Variants in SDC3 observed in about 807,000 individuals in gnomAD.
SDC3 encodes syndecan-3.
A neutral mutation model predicts 24.4 loss-of-function variants in SDC3; 13 were observed. That is an observed-to-expected ratio of 0.53 (90% confidence interval 0.35 to 0.85). SDC3 has a LOEUF of 0.85. Ranked by LOEUF, SDC3 falls within the 40% of genes least tolerant of loss-of-function variation. The pLI is 0.01. For synonymous variants in SDC3, 295 were observed against 260.9 expected (o/e 1.13, Z -1.26); for missense variants, 571 against 584.5 (o/e 0.98, Z 0.24).
intron 3 of SDC3, among the ~76,000 whole-genome samples, chr1:30,875,962 G>A (rs1014953571): frequency 2.0e-5 from 3 of 152,140 alleles, no homozygotes; most frequent in Admixed American, 6.5e-5. Flanking sequence ...TCCACAAGGC[G>A]AGTGATGCCT....
chr1:30,874,292 C>A lies in SDC3; in HGVS notation c.1162+5G>T. 1 of 1,600,964 alleles carries A rather than the reference C, an allele frequency of 6.2e-7. No homozygotes were observed. Among genetic ancestry groups the A allele is most frequent in the Non-Finnish European group, 8.5e-7 (1 of 1,173,560 alleles). On this transcript the variant is annotated splice_donor_5th_base_variant and intron_variant, in intron 4 of 4. Coordinates refer to ENST00000339394, the MANE Select transcript of SDC3 (RefSeq NM_014654.4). ...GCTCCCCTTGGCCCAGACCCCAAGC[C>A]TCACCTACGAGCACCTCCTTCCGCT... is the stretch of plus-strand genomic sequence containing the variant.
chr1:30,883,852 C>T (rs1336106581), intron 1 of SDC3, among the ~76,000 whole-genome samples: 8 of 152,184 alleles, frequency 5.3e-5, no homozygotes, highest in Non-Finnish European at 1.0e-4. Flanking sequence ...ACTACTAGCT[C>T]CTCGAGGCAG....
chr1:30,874,838 C>T (rs911943633), intron 3 of SDC3, among the ~76,000 whole-genome samples: 2 of 152,338 alleles, frequency 1.3e-5, no homozygotes, highest in Admixed American at 6.5e-5. Flanking sequence ...TCAGATCTAT[C>T]TGTCTCCACA....
chr1:30,892,738 A>C (rs1639925165), intron 1 of SDC3, among the ~76,000 whole-genome samples: 1 of 152,144 alleles, frequency 6.6e-6, no homozygotes, highest in Admixed American at 6.5e-5. Flanking sequence ...TGCGCCAAGT[A>C]AGCCCTAGCT....
Position 30,908,607 on chromosome 1 carries a change from C to CGGCGGGCGGCG in SDC3, c.-32_-22dup, listed in dbSNP as rs1557529844. The CGGCGGGCGGCG allele has an allele frequency of 3.3e-6, 3 of 915,598 alleles. No individual in the cohort carries two copies. Among genetic ancestry groups the CGGCGGGCGGCG allele is most frequent in the Non-Finnish European group, 3.9e-6 (3 of 772,920 alleles). 56.7% of individuals were successfully genotyped at this position (915,598 alleles called of 1,614,324 possible). A position where few individuals can be genotyped will look rare whatever the true frequency, so the allele number is the denominator to read the frequency against. ...TTCATGGCGGCGGCGCGGGCGCGGG[C>CGGCGGGCGGCG]GGCGGGCGGCGGGCGGGCGCCTTTG... On this transcript the variant is annotated 5_prime_UTR_variant, in exon 1 of 5. Transcript: ENST00000339394.
intron 1 of SDC3, among the ~76,000 whole-genome samples, chr1:30,887,106 T>C (rs1639840093): frequency 6.6e-6 from 1 of 151,942 alleles, no homozygotes; most frequent in East Asian, 1.9e-4. Context: ...AGAGACAGCC[T>C]GAAAGCCTGG....
At chr1:30,894,496 G>A (rs1570020365) in intron 1 of SDC3, among the ~76,000 whole-genome samples, 1 of 105,882 alleles carries the variant, frequency 9.4e-6, no homozygotes, top group South Asian at 3.8e-4. Flanking sequence ...TGAATGTGGG[G>A]GGTGAGTATG....
chr1:30,909,077 G>C (rs1638599507), upstream of SDC3, among the ~76,000 whole-genome samples: 1 of 152,068 alleles, frequency 6.6e-6, no homozygotes, highest in African/African-American at 2.4e-5. Flanking sequence ...CAGGGCCCGG[G>C]CCTGGCTCCC....
At chr1:30,898,378 C>A (rs571814138) in intron 1 of SDC3, among the ~76,000 whole-genome samples, 1 of 152,264 alleles carries the variant, frequency 6.6e-6, no homozygotes, top group Admixed American at 6.5e-5. Context: ...CCTCTCATTA[C>A]CCCACAGAAT....
intron 3 of SDC3, among the ~76,000 whole-genome samples, chr1:30,876,239 T>G (rs1265196441): frequency 6.6e-6 from 1 of 152,174 alleles, no homozygotes; most frequent in Non-Finnish European, 1.5e-5. Context: ...CTAATCCAGC[T>G]GCCAGACCAC....
Position 30,873,355 on chromosome 1 carries a change from C to A in SDC3, c.1185G>T (p.Val395=). 1 of 1,613,760 alleles carries A rather than the reference C, an allele frequency of 6.2e-7. No homozygotes were observed. The highest frequency in any genetic ancestry group is 8.5e-7 in the Non-Finnish European group (1 of 1,179,740). ...VLVAVIVGGV[V]GALFAAFLVT... is the part of the protein sequence containing the mutation. ...CCAAGAAGGCAGCAAAGAGGGCGCC[C>A]ACCACCCCGCCCACAATCACAGCTG... is the stretch of plus-strand genomic sequence containing the variant. Residue 395 remains valine (V), a synonymous_variant, in exon 5 of 5, where the codon GTG becomes GTT. Coordinates refer to ENST00000339394, the MANE Select transcript of SDC3 (RefSeq NM_014654.4).
intron 1 of SDC3, among the ~76,000 whole-genome samples, chr1:30,907,433 C>T (rs1638544585): frequency 6.6e-6 from 1 of 152,152 alleles, no homozygotes; most frequent in African/African-American, 2.4e-5. Flanking sequence ...GCTTGGTTCC[C>T]CTCAGGGGTC....
At chr1:30,900,854 G>A (rs962138075) in intron 1 of SDC3, among the ~76,000 whole-genome samples, 3 of 152,020 alleles carry the variant, frequency 2.0e-5, no homozygotes, top group Admixed American at 1.3e-4. Flanking sequence ...GGCAGTGCAG[G>A]GGGTACAGGA....
chr1:30,876,643 G>A lies in SDC3; in HGVS notation c.779C>T (p.Pro260Leu), dbSNP rs1469493043. 1.3e-6 allele frequency: 2 copies of A among 1,588,928 alleles called. No homozygotes were observed. Among genetic ancestry groups the A allele is most frequent in the East Asian group, 2.2e-5 (1 of 44,646 alleles). The change falls in exon 3 of 5, where the codon CCC becomes CTC. Residue 260 changes from proline to leucine, a missense_variant. Coordinates refer to ENST00000339394, the MANE Select transcript of SDC3 (RefSeq NM_014654.4). Reference protein sequence around the residue: ...STATSRPRALPRPATTQEPDI... With the variant: ...STATSRPRALLRPATTQEPDI... ...AGGCTCCTGGGTGGTGGCCGGCCTG[G>A]GAAGGGCTCTTGGCCGGGAGGTAGC...
intron 1 of SDC3, among the ~76,000 whole-genome samples, chr1:30,881,004 C>T (rs547183277): frequency 6.7e-6 from 1 of 149,432 alleles, no homozygotes; most frequent in African/African-American, 2.5e-5. Flanking sequence ...GCTTCCATAC[C>T]CCCAAGACAC....
chr1:30,894,768 CACACATCCAA>C (rs1639976925), intron 1 of SDC3, among the ~76,000 whole-genome samples: 1 of 151,638 alleles, frequency 6.6e-6, no homozygotes, highest in African/African-American at 2.4e-5. Context: ...CATGCACATG[CACACATCCAA>C]GCACATTCAG....
intron 2 of SDC3, chr1:30,878,365 G>A (rs1266940103): frequency 2.4e-6 from 1 of 415,586 alleles, no homozygotes; most frequent in Non-Finnish European, 4.4e-6. Flanking sequence ...AAGCCACATA[G>A]CACACACAAA....
At chr1:30,891,850 CAA>C (rs11433428) in intron 1 of SDC3, among the ~76,000 whole-genome samples, 66 of 118,716 alleles carry the variant, frequency 5.6e-4, no homozygotes, top group Admixed American at 6.8e-4. Flanking sequence ...GAGACGCCGT[CAA>C]AAAAAAAAAA....
chr1:30,903,248 G>T (rs1404047336), intron 1 of SDC3, among the ~76,000 whole-genome samples: 4 of 152,142 alleles, frequency 2.6e-5, no homozygotes, highest in South Asian at 2.1e-4. Context: ...GGGGTTAAAG[G>T]CAGGCCTGGT....
Sources: allele counts gnomAD v4.1 joint callset (sites outside exome capture counted in the v4.1 genomes callset), GRCh38; gene constraint gnomAD v4.1.1; transcripts MANE v1.5; gene names NCBI Gene and HGNC (gene_info 2026-07-23, HGNC 2026-07-21).